The following BACE2 variants were observed in gnomAD, a reference collection of about 807,000 sequenced individuals.
The protein encoded by BACE2 is beta-secretase 2.
A neutral mutation model predicts 46.2 loss-of-function variants in BACE2; 17 were observed. The observed-to-expected ratio is 0.37, with a 90% CI of 0.25 to 0.55. BACE2 has a LOEUF of 0.55. Ranked by LOEUF, BACE2 falls within the 20% of genes least tolerant of loss-of-function variation. BACE2 has a pLI of 0.82. For missense variants in BACE2, 595 were observed against 698.1 expected (o/e 0.85, Z 1.66); for synonymous variants, 277 against 295.9 (o/e 0.94, Z 0.66).
At chr21:41,214,257 C>G (rs1055874868) in intron 1 of BACE2, among the ~76,000 whole-genome samples, 8 of 152,202 alleles carry the variant, frequency 5.3e-5, no homozygotes, top group Admixed American at 4.6e-4. Flanking sequence ...TTCAGTCATT[C>G]TGCTCAGTGA....
At chr21:41,189,920 A>G (rs982963795) in intron 1 of BACE2, among the ~76,000 whole-genome samples, 12 of 152,202 alleles carry the variant, frequency 7.9e-5, no homozygotes, top group Non-Finnish European at 1.6e-4. Context: ...AAACTGAAGA[A>G]TTTGGAGTCC....
chr21:41,182,778 T>C (rs1601245676), intron 1 of BACE2: 1 of 167,102 alleles, frequency 6.0e-6, no homozygotes, highest in Non-Finnish European at 1.5e-5. Flanking sequence ...TACCTCTTTC[T>C]TAAAGTTATT....
chr21:41,213,615 T>C (rs374346177), intron 1 of BACE2, among the ~76,000 whole-genome samples: 31 of 151,996 alleles, frequency 2.0e-4, no homozygotes, highest in African/African-American at 7.2e-4. Context: ...TCTACTAAAA[T>C]ACAAAAAAAT....
At chr21:41,169,870 G>A (rs150250999) in intron 1 of BACE2, among the ~76,000 whole-genome samples, 1 of 152,354 alleles carries the variant, frequency 6.6e-6, no homozygotes, top group Non-Finnish European at 1.5e-5. Flanking sequence ...TGGTTAGAGG[G>A]AGGGAATAGG....
At chr21:41,237,913 A>G (rs553417371) in intron 3 of BACE2, among the ~76,000 whole-genome samples, 184 bp downstream of exon 3, 2 of 152,376 alleles carry the variant, frequency 1.3e-5, no homozygotes, top group South Asian at 4.1e-4. Flanking sequence ...GGTAAACAGC[A>G]TGATTCTTGG....
At chr21:41,264,763 G>C (rs1037000246) in intron 8 of BACE2, among the ~76,000 whole-genome samples, 2 of 152,118 alleles carry the variant, frequency 1.3e-5, no homozygotes, top group Non-Finnish European at 2.9e-5. Flanking sequence ...TTCAACATGA[G>C]ATTTGGATGG....
chr21:41,178,815 T>G, intron 1 of BACE2: 1 of 227,346 alleles, frequency 4.4e-6, no homozygotes, highest in Non-Finnish European at 8.7e-6. Context: ...ACAGAGAGAG[T>G]CTTGGCTTTT....
intron 7 of BACE2, among the ~76,000 whole-genome samples, chr21:41,256,085 T>G (rs888285056): frequency 5.6e-5 from 7 of 123,922 alleles, no homozygotes; most frequent in Non-Finnish European, 1.0e-4. Context: ...GTTTGTTTTG[T>G]TTTTTTTTGT....
rs545722637 is a variant in BACE2, at chr21:41,221,688, C to T, written c.313-4578C>T. On this transcript the variant is annotated intron_variant, in intron 1 of 8. Transcript: ENST00000330333. ...AAAAAATACAAAAAAATTAGCTGGGCGTGGTGGCGGGAGCCTGTAGTCCCA... is the reference window on the plus strand; with the variant it reads ...AAAAAATACAAAAAAATTAGCTGGGTGTGGTGGCGGGAGCCTGTAGTCCCA... Among the ~76,000 whole-genome samples the T allele has an allele frequency of 1.9e-3, 291 of 152,078 alleles. 1 individual carries two copies. Among genetic ancestry groups the T allele is most frequent in the Middle Eastern group, 6.8e-3 (2 of 294 alleles).
intron 4 of BACE2, among the ~76,000 whole-genome samples, chr21:41,242,859 C>A (rs1323992404): frequency 6.6e-6 from 1 of 152,016 alleles, no homozygotes; most frequent in African/African-American, 2.4e-5. Flanking sequence ...TACCATCTGA[C>A]CTTTGCAGAC....
At position 41,226,315 on chromosome 21, in the gene BACE2, C is replaced by T. The variant is rs755735530; in HGVS notation, c.362C>T (p.Thr121Ile). The change falls in exon 2 of 9, where the codon ACC becomes ATC. Residue 121 changes from threonine to isoleucine, a missense_variant. Thr to Ile is a moderately conservative substitution (Grantham distance 89). Around this residue, in one of 3 missense-constraint regions of BACE2, gnomAD observed 248 missense variants for 261.4 expected, o/e 0.95. Coordinates refer to ENST00000330333, the MANE Select transcript of BACE2 (RefSeq NM_012105.5). ...TGSSNFAVAG[T>I]PHSYIDTYFD... is the part of the protein sequence containing the mutation. ...AGCAGTAACTTTGCCGTGGCAGGAA[C>T]CCCGCACTCCTACATAGACACGTAC... is the stretch of plus-strand genomic sequence containing the variant. The T allele has an allele frequency of 1.3e-5, 21 of 1,613,944 alleles. No homozygotes were observed. The highest frequency in any genetic ancestry group is 1.7e-5 in the Non-Finnish European group (20 of 1,180,032).
intron 2 of BACE2, among the ~76,000 whole-genome samples, chr21:41,227,190 G>GA (rs1568876485): frequency 6.6e-6 from 1 of 152,234 alleles, no homozygotes; most frequent in Non-Finnish European, 1.5e-5. Context: ...TCAACAGACA[G>GA]CCAGGTAAAT....
At chr21:41,174,069 C>G (rs148903816) in intron 1 of BACE2, among the ~76,000 whole-genome samples, 50 of 149,898 alleles carry the variant, frequency 3.3e-4, no homozygotes, top group African/African-American at 1.2e-3. Context: ...CCTCCCCTTG[C>G]CTGCCCATTT....
At chr21:41,234,316 T>G (rs1987053028) in intron 2 of BACE2, among the ~76,000 whole-genome samples, 1 of 152,208 alleles carries the variant, frequency 6.6e-6, no homozygotes, top group Non-Finnish European at 1.5e-5. Context: ...TTACCCAGTC[T>G]TAGGTATGCC....
At chr21:41,237,010 G>A (rs116607882) in intron 2 of BACE2, among the ~76,000 whole-genome samples, 5,487 of 152,298 alleles carry the variant, frequency 0.036, 318 homozygotes, top group African/African-American at 0.12. Flanking sequence ...TGTTTTTGGG[G>A]GAAGCTGTCA....
At chr21:41,260,244 A>T (rs1177990066) in intron 8 of BACE2, among the ~76,000 whole-genome samples, 3 of 152,250 alleles carry the variant, frequency 2.0e-5, no homozygotes, top group Admixed American at 2.0e-4. Context: ...TCCCAGGCTC[A>T]AGCAATCCTC....
intron 2 of BACE2, among the ~76,000 whole-genome samples, chr21:41,232,271 G>T (rs771843585): frequency 6.6e-6 from 1 of 152,126 alleles, no homozygotes; most frequent in African/African-American, 2.4e-5. Context: ...TTTAGACACC[G>T]GTTGCACAAG....
intron 1 of BACE2, among the ~76,000 whole-genome samples, chr21:41,185,837 G>A (rs950206715): frequency 1.2e-4 from 19 of 152,168 alleles, no homozygotes; most frequent in African/African-American, 3.6e-4. Context: ...ATAGAACAAC[G>A]TGACAACGTG....
In BACE2 at chr21:41,275,815, C is replaced by A; in HGVS notation, c.*191C>A. On this transcript the variant is annotated 3_prime_UTR_variant, in exon 9 of 9. Transcript: ENST00000330333. ...TTTTCAAGCTTTCAAATCCTCCCTA[C>A]TTCCAAGAAAAATAATTAAAAAAAA... 2.8e-6 allele frequency: 2 copies of A among 704,550 alleles called. No homozygotes were observed. The highest frequency in any genetic ancestry group is 4.2e-5 in the South Asian group (2 of 47,164). The allele number at this position is 704,550 out of a possible 1,614,324, so 43.6% of individuals were successfully genotyped here.
Sources: allele counts gnomAD v4.1 joint callset (sites outside exome capture counted in the v4.1 genomes callset), GRCh38; gene constraint gnomAD v4.1.1; regional missense constraint gnomAD v4.1.1; transcripts MANE v1.5; gene names NCBI Gene and HGNC (gene_info 2026-07-23, HGNC 2026-07-21).